DPYSL3: variants seen among roughly 807,000 people sequenced by gnomAD.
The protein encoded by DPYSL3 is dihydropyrimidinase-related protein 3.
Under a neutral mutation model 66.1 loss-of-function variants are expected in DPYSL3, and 16 were observed. The ratio of observed to expected loss-of-function variants is 0.24; its 90% confidence interval spans 0.16 to 0.37. DPYSL3 has a LOEUF of 0.37. DPYSL3 is among the 10% of genes least tolerant of loss of function. The pLI, the probability that DPYSL3 is intolerant of heterozygous loss-of-function variation, is 1.00. For missense variants in DPYSL3, 738 were observed against 916.2 expected (o/e 0.81, Z 2.51); for synonymous variants, 338 against 345.1 (o/e 0.98, Z 0.23).
chr5:147,497,081 T>C (rs1270831951), intron 1 of DPYSL3, among the ~76,000 whole-genome samples: 3 of 152,252 alleles, frequency 2.0e-5, no homozygotes, highest in Middle Eastern at 6.8e-3. Flanking sequence ...TAAAAAATGA[T>C]GAGTTCATGT....
At chr5:147,422,706 G>A (rs1271405188) in intron 2 of DPYSL3, among the ~76,000 whole-genome samples, 1 of 152,104 alleles carries the variant, frequency 6.6e-6, no homozygotes. Context: ...CCTTTGCAGG[G>A]ACATGGATGA....
At chr5:147,412,222 T>G (rs1359772847) in intron 6 of DPYSL3, among the ~76,000 whole-genome samples, 2 of 152,242 alleles carry the variant, frequency 1.3e-5, no homozygotes, top group Non-Finnish European at 2.9e-5. Context: ...ATCCAATCTC[T>G]GGCTTCTGAG....
intron 1 of DPYSL3, among the ~76,000 whole-genome samples, chr5:147,460,763 G>A (rs1023840362): frequency 5.9e-5 from 9 of 152,090 alleles, no homozygotes; most frequent in African/African-American, 1.4e-4. Flanking sequence ...GTAATAATCC[G>A]TTGCCCAAAT....
At chr5:147,397,169 T>C (rs1262018174) in intron 12 of DPYSL3, among the ~76,000 whole-genome samples, 1 of 110,702 alleles carries the variant, frequency 9.0e-6, no homozygotes, top group Non-Finnish European at 1.7e-5. Flanking sequence ...TATGTATCTA[T>C]AGACCTATAT....
intron 1 of DPYSL3, among the ~76,000 whole-genome samples, chr5:147,491,131 G>A (rs889996420): frequency 6.6e-6 from 1 of 152,138 alleles, no homozygotes; most frequent in African/African-American, 2.4e-5. Flanking sequence ...CAACTCCAGC[G>A]AGCTCAGCCT....
intron 3 of DPYSL3, among the ~76,000 whole-genome samples, chr5:147,418,078 G>C (rs1278472667): frequency 1.3e-5 from 2 of 152,148 alleles, no homozygotes; most frequent in Admixed American, 1.3e-4. Context: ...TCCTTTCTCA[G>C]ACCCAAGTGG....
intron 1 of DPYSL3, among the ~76,000 whole-genome samples, chr5:147,452,746 T>C (rs1418871215): frequency 1.3e-5 from 2 of 152,088 alleles, no homozygotes; most frequent in Admixed American, 1.3e-4. Context: ...GGTGTCTCCG[T>C]CTTGCACACA....
intron 1 of DPYSL3, among the ~76,000 whole-genome samples, chr5:147,470,762 T>C (rs1312413997): frequency 6.6e-6 from 1 of 152,176 alleles, no homozygotes; most frequent in Non-Finnish European, 1.5e-5. Flanking sequence ...ACCCTCTGCC[T>C]GAAATGACTG....
chr5:147,411,306 C>G (rs1303746436), intron 6 of DPYSL3, among the ~76,000 whole-genome samples: 7 of 152,176 alleles, frequency 4.6e-5, no homozygotes, highest in Non-Finnish European at 8.8e-5. Context: ...TCACCTCCCC[C>G]ACCAGCAAGA....
At chr5:147,447,866 C>A (rs1121657) in intron 1 of DPYSL3, among the ~76,000 whole-genome samples, 56,782 of 151,618 alleles carry the variant, frequency 0.37, 13,288 homozygotes, top group African/African-American at 0.65. Flanking sequence ...CAAACAAACA[C>A]ATATATCCAT....
chr5:147,461,396 A>G (rs2126410546), intron 1 of DPYSL3, among the ~76,000 whole-genome samples: 1 of 152,228 alleles, frequency 6.6e-6, no homozygotes, highest in African/African-American at 2.4e-5. Context: ...CCTCAGGCTC[A>G]CTGTAAAACC....
chr5:147,471,808 G>A (rs1014509603), intron 1 of DPYSL3, among the ~76,000 whole-genome samples: 2 of 152,144 alleles, frequency 1.3e-5, no homozygotes, highest in Non-Finnish European at 2.9e-5. Context: ...TAACAAGAGC[G>A]TGAGAGAATA....
At chr5:147,449,578 T>C (rs1752689076) in intron 1 of DPYSL3, among the ~76,000 whole-genome samples, 1 of 152,242 alleles carries the variant, frequency 6.6e-6, no homozygotes. Context: ...AGGCAGCTGC[T>C]GCACCATGGC....
chr5:147,404,390 C>T (rs983061234), intron 8 of DPYSL3, among the ~76,000 whole-genome samples: 25 of 152,230 alleles, frequency 1.6e-4, no homozygotes, highest in African/African-American at 5.8e-4. Flanking sequence ...GGCATCTGAA[C>T]ACTCAGCCAT....
intron 1 of DPYSL3, among the ~76,000 whole-genome samples, chr5:147,429,031 C>A (rs372935697): frequency 2.0e-4 from 30 of 152,288 alleles, no homozygotes; most frequent in African/African-American, 7.0e-4. Flanking sequence ...CTGTTCCTGG[C>A]AGCCAAGACT....
chr5:147,408,476 A>C (rs75696332), intron 7 of DPYSL3, among the ~76,000 whole-genome samples: 2,965 of 152,322 alleles, frequency 0.019, 93 homozygotes, highest in African/African-American at 0.068. Context: ...GAAAGGGATT[A>C]GAAATTTAAC....
intron 1 of DPYSL3, chr5:147,473,172 T>G (rs1434859833): frequency 6.6e-6 from 1 of 152,194 alleles, no homozygotes; most frequent in African/African-American, 2.4e-5. Context: ...TGAGAATAAA[T>G]GAGTAGGTTT....
chr5:147,393,608 G>A lies in DPYSL3; in HGVS notation c.*427C>T, dbSNP rs1411401340. 1.8e-5 allele frequency: 3 copies of A among 163,344 alleles called. No individual in the cohort carries two copies. In the East Asian group the frequency reaches 4.9e-4, roughly 27 times the overall value. The allele number at this position is 163,344 out of a possible 1,614,324, so 10.1% of individuals were successfully genotyped here. A position where few individuals can be genotyped will look rare whatever the true frequency, so the allele number is the denominator to read the frequency against. ...CCTCCCTCCTACATGCCCTACCCCA[G>A]CCCCTCTGCACCCTCCACCTTGCTC... On this transcript the variant is annotated 3_prime_UTR_variant, in exon 14 of 14. Coordinates refer to ENST00000343218, the MANE Select transcript of DPYSL3 (RefSeq NM_001197294.2).
Position 147,452,101 on chromosome 5 carries a change from G to A in DPYSL3, c.382-27138C>T, listed in dbSNP as rs576751459. Among the ~76,000 whole-genome samples the A allele has an allele frequency of 3.3e-5, 5 of 152,328 alleles. No individual in the cohort carries two copies. In the South Asian group the frequency reaches 1.0e-3, roughly 32 times the overall value. ...GCTGGGAAGCTGGTAGGGGTGGGGTGCATTTGTGTGAAGTGAAGCTCAGTT... is the reference window on the plus strand; with the variant it reads ...GCTGGGAAGCTGGTAGGGGTGGGGTACATTTGTGTGAAGTGAAGCTCAGTT... On this transcript the variant is annotated intron_variant, in intron 1 of 13. Coordinates refer to ENST00000343218, the MANE Select transcript of DPYSL3 (RefSeq NM_001197294.2).
Sources: allele counts gnomAD v4.1 joint callset (sites outside exome capture counted in the v4.1 genomes callset), GRCh38; gene constraint gnomAD v4.1.1; transcripts MANE v1.5; gene names NCBI Gene and HGNC (gene_info 2026-07-23, HGNC 2026-07-21).